ENTREP2: variants seen among roughly 807,000 people sequenced by gnomAD.
ENTREP2 encodes protein ENTREP2.
chr15:29,448,729 T>G, the ENTREP2 span, among the ~76,000 whole-genome samples: 1 of 152,210 alleles, frequency 6.6e-6, no homozygotes, highest in Non-Finnish European at 1.5e-5. Context: ...ATATGATAAA[T>G]ATCACATCAC....
chr15:29,559,884 C>T, the ENTREP2 span, among the ~76,000 whole-genome samples: 8 of 152,148 alleles, frequency 5.3e-5, no homozygotes, highest in African/African-American at 1.9e-4. Flanking sequence ...CTCTGGGGGA[C>T]CACAGTTCCA....
chr15:29,240,059 A>G, the ENTREP2 span, among the ~76,000 whole-genome samples: 12 of 152,246 alleles, frequency 7.9e-5, no homozygotes, highest in Non-Finnish European at 1.5e-4. Flanking sequence ...CCCAAAAAGC[A>G]TGTGTTGAAA....
chr15:29,315,358 G>A, the ENTREP2 span, among the ~76,000 whole-genome samples: 2 of 152,094 alleles, frequency 1.3e-5, no homozygotes, highest in Non-Finnish European at 1.5e-5. Flanking sequence ...CCTCTTGGCC[G>A]ATGAATTGAC....
At chr15:29,288,805 A>G in the ENTREP2 span, among the ~76,000 whole-genome samples, 1 of 152,236 alleles carries the variant, frequency 6.6e-6, no homozygotes, top group African/African-American at 2.4e-5. Flanking sequence ...CACATAACAC[A>G]TAACTATATA....
chr15:29,298,973 A>T, the ENTREP2 span, among the ~76,000 whole-genome samples: 1 of 152,222 alleles, frequency 6.6e-6, no homozygotes, highest in Non-Finnish European at 1.5e-5. Context: ...AAACTTTAAC[A>T]AACGTGACTT....
the ENTREP2 span, among the ~76,000 whole-genome samples, chr15:29,231,885 C>CTTTTTTTTTTT: frequency 3.5e-3 from 453 of 129,842 alleles, 39 homozygotes; most frequent in East Asian, 0.011. Context: ...GTTTTCTTTT[C>CTTTTTTTTTTT]TTTTCTTTCT....
the ENTREP2 span, among the ~76,000 whole-genome samples, chr15:29,149,398 T>C: frequency 6.6e-6 from 1 of 152,234 alleles, no homozygotes; most frequent in East Asian, 1.9e-4. Context: ...TAGGAATAGC[T>C]ACAACTGTCC....
the ENTREP2 span, among the ~76,000 whole-genome samples, chr15:29,362,112 G>A: frequency 1.2e-3 from 182 of 152,074 alleles, no homozygotes; most frequent in African/African-American, 4.1e-3. Context: ...TCCCAGAGAC[G>A]GCCCCCACTC....
chr15:29,504,581 G>A, the ENTREP2 span, among the ~76,000 whole-genome samples: 4 of 152,210 alleles, frequency 2.6e-5, no homozygotes, highest in Non-Finnish European at 4.4e-5. Flanking sequence ...GAACTGAAGC[G>A]TGTGTTTCCA....
At chr15:29,464,089 T>C in the ENTREP2 span, among the ~76,000 whole-genome samples, 1 of 152,004 alleles carries the variant, frequency 6.6e-6, no homozygotes, top group Non-Finnish European at 1.5e-5. Context: ...ACAGTTTTAG[T>C]TGAGGAAGAG....
the ENTREP2 span, among the ~76,000 whole-genome samples, chr15:29,424,083 TC>T: frequency 6.6e-6 from 1 of 152,214 alleles, no homozygotes; most frequent in Admixed American, 6.5e-5. Flanking sequence ...TGGAACTTTT[TC>T]CTTCCCACGG....
chr15:29,529,063 A>ACCATG, the ENTREP2 span, among the ~76,000 whole-genome samples: 1 of 150,540 alleles, frequency 6.6e-6, no homozygotes, highest in African/African-American at 2.5e-5. Flanking sequence ...CAGAGATAGG[A>ACCATG]CCATGACATG....
the ENTREP2 span, among the ~76,000 whole-genome samples, chr15:29,606,275 C>T: frequency 6.0e-5 from 9 of 150,930 alleles, no homozygotes; most frequent in Non-Finnish European, 1.3e-4. Context: ...CACTCTGTCA[C>T]CCAGACTGGA....
chr15:29,472,717 G>C, the ENTREP2 span, among the ~76,000 whole-genome samples: 1 of 152,020 alleles, frequency 6.6e-6, no homozygotes, highest in Admixed American at 6.6e-5. Context: ...CATCTGCCTT[G>C]GCCTCCCAAA....
At chr15:29,603,619 T>A in the ENTREP2 span, among the ~76,000 whole-genome samples, 1 of 152,058 alleles carries the variant, frequency 6.6e-6, no homozygotes, top group Non-Finnish European at 1.5e-5. Context: ...GAAACTCCAA[T>A]TTCATTTTAT....
chr15:29,499,397 G>A, the ENTREP2 span, among the ~76,000 whole-genome samples: 1 of 152,094 alleles, frequency 6.6e-6, no homozygotes, highest in East Asian at 1.9e-4. Context: ...TTGTTTGTTT[G>A]TTTTGAGACA....
chr15:29,531,208 A>G, the ENTREP2 span, among the ~76,000 whole-genome samples: 1 of 152,176 alleles, frequency 6.6e-6, no homozygotes, highest in Non-Finnish European at 1.5e-5. Flanking sequence ...TCTCGCCTTG[A>G]GAAGACAGGG....
the ENTREP2 span, among the ~76,000 whole-genome samples, chr15:29,120,047 G>A: frequency 3.3e-5 from 5 of 152,260 alleles, no homozygotes; most frequent in East Asian, 3.9e-4. Flanking sequence ...GTGGACGGGC[G>A]TGGGTGTGTC....
the ENTREP2 span, among the ~76,000 whole-genome samples, chr15:29,155,083 C>T: frequency 2.6e-5 from 4 of 151,400 alleles, no homozygotes; most frequent in Non-Finnish European, 5.9e-5. Flanking sequence ...GAGATCGAGA[C>T]CATCCTGGCT....
Sources: allele counts gnomAD v4.1 joint callset (sites outside exome capture counted in the v4.1 genomes callset), GRCh38; gene constraint gnomAD v4.1.1; transcripts MANE v1.5; gene names NCBI Gene and HGNC (gene_info 2026-07-23, HGNC 2026-07-21).